The following CDH18 variants were observed in gnomAD, a reference collection of about 807,000 sequenced individuals.
The protein encoded by CDH18 is cadherin-18.
In CDH18, 31 loss-of-function variants were observed where a neutral mutation model predicts 67.9. The observed-to-expected ratio is 0.46, with a 90% CI of 0.34 to 0.62. The LOEUF (loss-of-function observed/expected upper bound fraction) is 0.62. Ranked by LOEUF, CDH18 falls within the 20% of genes least tolerant of loss-of-function variation. CDH18 has a pLI of 0.01. For synonymous variants in CDH18, 362 were observed against 347.2 expected, an observed-to-expected ratio of 1.04 and a Z score of -0.48; for missense variants, 890 against 975.5, an observed-to-expected ratio of 0.91 and a Z score of 1.17.
intron 1 of CDH18, among the ~76,000 whole-genome samples, chr5:20,400,243 G>A (rs570016039): frequency 6.6e-6 from 1 of 152,200 alleles, no homozygotes; most frequent in African/African-American, 2.4e-5. Context: ...CCCTTTGGGA[G>A]CTGAGACGGG....
intron 1 of CDH18, among the ~76,000 whole-genome samples, chr5:20,455,315 T>A (rs1407191865): frequency 6.6e-6 from 1 of 152,050 alleles, no homozygotes; most frequent in Non-Finnish European, 1.5e-5. Context: ...AGATTTATAA[T>A]TTGGAACCAT....
intron 2 of CDH18, among the ~76,000 whole-genome samples, chr5:19,871,423 C>A (rs898499892): frequency 2.6e-5 from 4 of 152,082 alleles, no homozygotes; most frequent in African/African-American, 4.8e-5. Flanking sequence ...CTATTCAAGA[C>A]CCCTTTGATT....
At position 19,507,940 on chromosome 5, in the gene CDH18, C is replaced by T. The variant is rs1579889263; in HGVS notation, c.1513-4831G>A. The stretch of plus-strand genomic sequence containing the variant: ...AGAAGAGAGAAACTCCTAGTCTCTA[C>T]ATAAAAAATGAGGATTTGATTATCA... On this transcript the variant is annotated intron_variant, in intron 10 of 12. Coordinates refer to ENST00000382275, the MANE Select transcript of CDH18 (RefSeq NM_004934.5). 3.3e-5 allele frequency among the ~76,000 whole-genome samples: 5 copies of T among 151,786 alleles called. 1 individual carries two copies. Among genetic ancestry groups the T allele is most frequent in the African/African-American group, 1.2e-4 (5 of 41,392 alleles).
At chr5:20,469,380 T>C (rs1371817751) in intron 1 of CDH18, among the ~76,000 whole-genome samples, 1 of 152,200 alleles carries the variant, frequency 6.6e-6, no homozygotes, top group Admixed American at 6.6e-5. Context: ...ATAAAACATT[T>C]AATTAAAGTG....
chr5:19,637,270 A>G (rs1287349383), intron 5 of CDH18, among the ~76,000 whole-genome samples: 2 of 151,500 alleles, frequency 1.3e-5, no homozygotes, highest in African/African-American at 4.9e-5. Flanking sequence ...TTATGCATAC[A>G]CTGTGGAATG....
At chr5:19,524,674 C>T (rs1747454444) in intron 9 of CDH18, among the ~76,000 whole-genome samples, 1 of 152,002 alleles carries the variant, frequency 6.6e-6, no homozygotes, top group Non-Finnish European at 1.5e-5. Context: ...TTTTAAAAAT[C>T]TGGGGTAAGA....
At chr5:20,123,822 G>A (rs139205261) in intron 2 of CDH18, among the ~76,000 whole-genome samples, 1,654 of 147,538 alleles carry the variant, frequency 0.011, 36 homozygotes, top group African/African-American at 0.039. Context: ...CGGAGGCGGA[G>A]CTTGCAGTGA....
At position 19,561,187 on chromosome 5, in the gene CDH18, T is replaced by C. The variant is rs137872978; in HGVS notation, c.1253+10392A>G. ...CTACCCATAGGAAAAGAAGGCATTA[T>C]ACAAAAAAGATACCTGCGAAGGTAT... On this transcript the variant is annotated intron_variant, in intron 8 of 12. Coordinates refer to ENST00000382275, the MANE Select transcript of CDH18 (RefSeq NM_004934.5). Among the ~76,000 whole-genome samples the C allele has an allele frequency of 5.2e-3, 787 of 152,164 alleles. 3 individuals carry two copies. The highest frequency in any genetic ancestry group is 0.018 in the African/African-American group (755 of 41,534).
At chr5:19,583,681 G>A (rs540825510) in intron 7 of CDH18, among the ~76,000 whole-genome samples, 1 of 152,186 alleles carries the variant, frequency 6.6e-6, no homozygotes, top group East Asian at 1.9e-4. Context: ...TATTATTGAG[G>A]TAGTAGTAAT....
rs549051637 is a variant in CDH18, at chr5:19,784,641, A to C, written c.229-37405T>G. On this transcript the variant is annotated intron_variant, in intron 3 of 12. Transcript: ENST00000382275. ...AATCTATAACTTTATTAAATACTGC[A>C]AAATAGCTCTCGCAGGTAATTCCCA... Among the ~76,000 whole-genome samples, 5 of 152,340 alleles carry C rather than the reference A, an allele frequency of 3.3e-5. No individual in the cohort carries two copies. In the East Asian group the frequency reaches 9.6e-4, roughly 29 times the overall value.
intron 1 of CDH18, among the ~76,000 whole-genome samples, chr5:20,433,081 T>G (rs1490631295): frequency 6.6e-6 from 1 of 150,806 alleles, no homozygotes; most frequent in African/African-American, 2.4e-5. Context: ...AGTCACGGAT[T>G]AGCCGAGGTC....
chr5:19,560,687 C>T (rs1244245495), intron 8 of CDH18, among the ~76,000 whole-genome samples: 1 of 151,976 alleles, frequency 6.6e-6, no homozygotes, highest in African/African-American at 2.4e-5. Context: ...TAAAAAGGTT[C>T]TGCACAGTAA....
chr5:20,431,151 A>C (rs1416863859), intron 1 of CDH18, among the ~76,000 whole-genome samples: 1 of 152,170 alleles, frequency 6.6e-6, no homozygotes, highest in Non-Finnish European at 1.5e-5. Flanking sequence ...AATAGCTCTT[A>C]GTAAGCACAC....
At chr5:19,715,199 G>A (rs1765194966) in intron 5 of CDH18, among the ~76,000 whole-genome samples, 2 of 149,890 alleles carry the variant, frequency 1.3e-5, no homozygotes, top group South Asian at 2.1e-4. Context: ...GAGCAAAAAT[G>A]AAATGAAATA....
chr5:20,570,735 A>G (rs913846223), intron 1 of CDH18, among the ~76,000 whole-genome samples: 1 of 152,164 alleles, frequency 6.6e-6, no homozygotes, highest in African/African-American at 2.4e-5. Context: ...GTTCTAATGG[A>G]CAGGAAATAA....
At chr5:19,820,808 G>A (rs1481720603) in intron 3 of CDH18, among the ~76,000 whole-genome samples, 1 of 152,124 alleles carries the variant, frequency 6.6e-6, no homozygotes, top group East Asian at 1.9e-4. Flanking sequence ...TGAAACCCAA[G>A]GCAGGAAGCC....
chr5:19,798,047 T>C (rs1002281495), intron 3 of CDH18, among the ~76,000 whole-genome samples: 7 of 152,052 alleles, frequency 4.6e-5, no homozygotes, highest in Admixed American at 4.6e-4. Flanking sequence ...TTGACAAAGT[T>C]GCTAGTGGGT....
intron 2 of CDH18, among the ~76,000 whole-genome samples, chr5:20,210,607 T>A (rs962124703): frequency 1.3e-4 from 20 of 151,986 alleles, no homozygotes; most frequent in African/African-American, 4.6e-4. Context: ...AAGGTCCTTT[T>A]TTTCTGTGAG....
chr5:19,716,820 AG>A (rs1581030642), intron 5 of CDH18, among the ~76,000 whole-genome samples: 1 of 152,162 alleles, frequency 6.6e-6, no homozygotes, highest in East Asian at 1.9e-4. Flanking sequence ...AATTAAATGT[AG>A]AATGTATCAA....
Sources: allele counts gnomAD v4.1 joint callset (sites outside exome capture counted in the v4.1 genomes callset), GRCh38; gene constraint gnomAD v4.1.1; transcripts MANE v1.5; gene names NCBI Gene and HGNC (gene_info 2026-07-23, HGNC 2026-07-21).